The following ADGRB3 variants were observed in gnomAD, a reference collection of about 807,000 sequenced individuals.
ADGRB3 encodes the protein brain-specific angiogenesis inhibitor 3.
Under a neutral mutation model 193.4 loss-of-function variants are expected in ADGRB3, and 37 were observed. The observed-to-expected ratio is 0.19, with a 90% confidence interval of 0.15 to 0.25. The LOEUF is 0.25. Among genes scored for constraint, ADGRB3 ranks in the 10% least tolerant of loss-of-function variants. The pLI, the probability that ADGRB3 is intolerant of heterozygous loss-of-function variation, is 1.00. For missense variants in ADGRB3, 1,637 were observed against 1,852.9 expected, an observed-to-expected ratio of 0.88 and a Z score of 2.14; for synonymous variants, 690 against 644.2, an observed-to-expected ratio of 1.07 and a Z score of -1.08.
intron 10 of ADGRB3, among the ~76,000 whole-genome samples, chr6:68,978,333 T>C (rs1461805296): frequency 3.8e-5 from 4 of 105,092 alleles, no homozygotes; most frequent in African/African-American, 4.2e-5. Flanking sequence ...GATAGATACA[T>C]AGATAGATAG....
chr6:69,276,973 C>T (rs1189992497), intron 20 of ADGRB3, among the ~76,000 whole-genome samples: 1 of 151,466 alleles, frequency 6.6e-6, no homozygotes, highest in Non-Finnish European at 1.5e-5. Context: ...AACACAAAAC[C>T]ATTACTATAG....
chr6:69,038,278 TAATAAGGTTTG>T (rs1189341318), intron 13 of ADGRB3, among the ~76,000 whole-genome samples: 1 of 152,084 alleles, frequency 6.6e-6, no homozygotes, highest in East Asian at 1.9e-4. Context: ...TTTATTTCTC[TAATAAGGTTTG>T]AACAACCTTG....
At chr6:69,312,084 G>T (rs1281416246) in intron 20 of ADGRB3, among the ~76,000 whole-genome samples, 1 of 151,664 alleles carries the variant, frequency 6.6e-6, no homozygotes, top group Non-Finnish European at 1.5e-5. Flanking sequence ...TCTGCCAATG[G>T]AAGTGGAGCC....
At chr6:68,684,091 G>A (rs117874755) in intron 3 of ADGRB3, among the ~76,000 whole-genome samples, 2,061 of 152,158 alleles carry the variant, frequency 0.014, 23 homozygotes, top group Non-Finnish European at 0.022. Flanking sequence ...TGAAATATGC[G>A]GCAACAGACA....
intron 21 of ADGRB3, among the ~76,000 whole-genome samples, chr6:69,325,975 G>A (rs532408840): frequency 4.0e-5 from 6 of 151,798 alleles, no homozygotes; most frequent in South Asian, 2.1e-4. Context: ...AAACCAAGGC[G>A]GGTGGACTAC....
intron 6 of ADGRB3, among the ~76,000 whole-genome samples, chr6:68,949,019 A>T (rs546615350): frequency 6.6e-6 from 1 of 152,098 alleles, no homozygotes; most frequent in Non-Finnish European, 1.5e-5. Flanking sequence ...ACCCCTCTAT[A>T]TTACAGGATT....
At chr6:68,702,334 A>G (rs1765255308) in intron 3 of ADGRB3, among the ~76,000 whole-genome samples, 1 of 152,224 alleles carries the variant, frequency 6.6e-6, no homozygotes, top group East Asian at 1.9e-4. Flanking sequence ...ATTCATGAGA[A>G]ATCTGTCCCC....
intron 17 of ADGRB3, among the ~76,000 whole-genome samples, chr6:69,190,457 A>G (rs1412313980): frequency 2.6e-5 from 4 of 152,056 alleles, no homozygotes; most frequent in Non-Finnish European, 5.9e-5. Flanking sequence ...ATTTCTGGGC[A>G]GCTATGTGTC....
intron 15 of ADGRB3, among the ~76,000 whole-genome samples, chr6:69,058,799 C>T (rs1488653903): frequency 1.3e-5 from 2 of 151,918 alleles, no homozygotes; most frequent in South Asian, 2.1e-4. Flanking sequence ...CCATTGTAGT[C>T]GGAAAAGATA....
chr6:69,379,006 G>C (rs1582667751), intron 30 of ADGRB3, among the ~76,000 whole-genome samples: 1 of 151,980 alleles, frequency 6.6e-6, no homozygotes, highest in Non-Finnish European at 1.5e-5. Context: ...AGCTACTCAG[G>C]AAAGCATATT....
chr6:69,199,671 A>G (rs930804931), intron 17 of ADGRB3, among the ~76,000 whole-genome samples: 1 of 152,144 alleles, frequency 6.6e-6, no homozygotes, highest in Non-Finnish European at 1.5e-5. Flanking sequence ...AACAGAAGCC[A>G]TAAATGTATC....
chr6:69,285,145 G>A (rs1767520991), intron 20 of ADGRB3, among the ~76,000 whole-genome samples: 1 of 152,212 alleles, frequency 6.6e-6, no homozygotes, highest in Non-Finnish European at 1.5e-5. Flanking sequence ...GGGATTGACA[G>A]TAGTAATAGT....
intron 20 of ADGRB3, among the ~76,000 whole-genome samples, chr6:69,289,974 A>G (rs142317744): frequency 6.6e-6 from 1 of 152,100 alleles, no homozygotes; most frequent in Non-Finnish European, 1.5e-5. Context: ...GGATACCCAC[A>G]AACATTGGAT....
At chr6:69,005,211 G>A (rs1769711523) in intron 11 of ADGRB3, among the ~76,000 whole-genome samples, 1 of 151,692 alleles carries the variant, frequency 6.6e-6, no homozygotes, top group African/African-American at 2.4e-5. Flanking sequence ...AAAGGGGACT[G>A]TAGGCAATAC....
intron 3 of ADGRB3, among the ~76,000 whole-genome samples, chr6:68,770,655 T>C (rs1036585865): frequency 1.3e-5 from 2 of 152,112 alleles, no homozygotes; most frequent in Admixed American, 6.6e-5. Context: ...TTTAAGAATA[T>C]AGCATAGTAT....
chr6:69,100,131 T>A (rs1050164604), intron 17 of ADGRB3, among the ~76,000 whole-genome samples: 1 of 152,234 alleles, frequency 6.6e-6, no homozygotes, highest in African/African-American at 2.4e-5. Flanking sequence ...TATTTAACTT[T>A]TATTAGATGT....
intron 3 of ADGRB3, among the ~76,000 whole-genome samples, chr6:68,921,975 C>T (rs140717749): frequency 7.9e-5 from 12 of 151,956 alleles, no homozygotes; most frequent in African/African-American, 1.5e-4. Flanking sequence ...GGATGAGATA[C>T]GCACTTGGTT....
chr6:69,127,370 C>A (rs1256184909), intron 17 of ADGRB3, among the ~76,000 whole-genome samples: 2 of 152,168 alleles, frequency 1.3e-5, no homozygotes, highest in Non-Finnish European at 2.9e-5. Context: ...TTATTCAATA[C>A]TAGAGGGAAA....
chr6:69,006,332 A>C (rs367899673), intron 11 of ADGRB3, among the ~76,000 whole-genome samples: 3 of 152,044 alleles, frequency 2.0e-5, no homozygotes, highest in African/African-American at 4.8e-5. Flanking sequence ...GGAAAAAAAA[A>C]CGAGATCTAC....
Sources: gnomAD v4.1 joint callset for allele counts (sites outside exome capture counted in the v4.1 genomes callset) on GRCh38, gnomAD v4.1.1 for gene constraint, MANE v1.5 for transcripts, NCBI Gene and HGNC (gene_info 2026-07-23, HGNC 2026-07-21) for gene names.